Variants in DPP6 observed in about 807,000 individuals in gnomAD.
DPP6 encodes the protein A-type potassium channel modulatory protein DPP6.
Under a neutral mutation model 122.6 loss-of-function variants are expected in DPP6, and 69 were observed. The ratio of observed to expected loss-of-function variants is 0.56; its 90% CI spans 0.46 to 0.69. The LOEUF is 0.69. Ranked by LOEUF, DPP6 falls within the 30% of genes least tolerant of loss-of-function variation. The probability of loss-of-function intolerance (pLI) is 0.00; values close to 1 mark genes in which losing one functional copy is unlikely to be tolerated. For missense variants in DPP6, 928 were observed against 1,116.9 expected (o/e 0.83, Z 2.41); for synonymous variants, 418 against 433.1 (o/e 0.97, Z 0.43).
intron 8 of DPP6, among the ~76,000 whole-genome samples, chr7:154,742,343 G>T (rs1288504386): frequency 1.3e-5 from 2 of 152,224 alleles, no homozygotes; most frequent in African/African-American, 4.8e-5. Context: ...CTGCAAGATG[G>T]TATTGAACCA....
chr7:154,108,928 T>TAAGTGTGA (rs1391270089), intron 1 of DPP6, among the ~76,000 whole-genome samples: 2 of 152,372 alleles, frequency 1.3e-5, no homozygotes, highest in East Asian at 3.9e-4. Context: ...ATTCATTTTT[T>TAAGTGTGA]AAGTGTGAAA....
At chr7:154,409,795 C>G (rs1816441685) in intron 1 of DPP6, among the ~76,000 whole-genome samples, 1 of 152,142 alleles carries the variant, frequency 6.6e-6, no homozygotes, top group Non-Finnish European at 1.5e-5. Context: ...GGTTTTGATC[C>G]CTGACCTGTG....
intron 1 of DPP6, among the ~76,000 whole-genome samples, chr7:153,955,325 C>A (rs1802409985): frequency 6.6e-6 from 1 of 152,132 alleles, no homozygotes. Flanking sequence ...ATCATTATCA[C>A]CGTCATCATT....
intron 1 of DPP6, among the ~76,000 whole-genome samples, chr7:154,174,029 G>A (rs1026446790): frequency 3.3e-5 from 5 of 152,154 alleles, no homozygotes; most frequent in African/African-American, 7.2e-5. Context: ...TTTCCCCCAC[G>A]TGCCTCTCTA....
At chr7:154,431,619 C>T (rs1818430434) in intron 1 of DPP6, among the ~76,000 whole-genome samples, 1 of 148,566 alleles carries the variant, frequency 6.7e-6, no homozygotes, top group African/African-American at 2.5e-5. Flanking sequence ...ACCACAACCT[C>T]TACCTCCCAA....
intron 1 of DPP6, among the ~76,000 whole-genome samples, chr7:154,074,994 G>A (rs1267841734): frequency 6.6e-6 from 1 of 150,938 alleles, no homozygotes; most frequent in Non-Finnish European, 1.5e-5. Context: ...GTGGGCTAAG[G>A]ACATGAATAG....
chr7:154,073,094 C>T (rs1203352684), intron 1 of DPP6, among the ~76,000 whole-genome samples: 1 of 152,188 alleles, frequency 6.6e-6, no homozygotes, highest in Non-Finnish European at 1.5e-5. Flanking sequence ...AGTAGCTGCA[C>T]CTCAGCCTCA....
chr7:154,148,644 C>T (rs1350796718), intron 1 of DPP6, among the ~76,000 whole-genome samples: 1 of 152,296 alleles, frequency 6.6e-6, no homozygotes, highest in Non-Finnish European at 1.5e-5. Context: ...AGCCTGCTCA[C>T]TACTAGAAGG....
chr7:154,349,389 T>G (rs1309661940), intron 1 of DPP6, among the ~76,000 whole-genome samples: 2 of 152,192 alleles, frequency 1.3e-5, no homozygotes, highest in Non-Finnish European at 2.9e-5. Flanking sequence ...TCGGCCAGGC[T>G]TGTCTCGAAC....
rs4067517 is a variant in DPP6, at chr7:154,074,595, G to A, written c.243+21532G>A. 2.0e-3 allele frequency among the ~76,000 whole-genome samples: 301 copies of A among 152,258 alleles called. 1 individual carries two copies. Among genetic ancestry groups the A allele is most frequent in the African/African-American group, 6.8e-3 (284 of 41,538 alleles). On this transcript the variant is annotated intron_variant, in intron 1 of 25. Transcript: ENST00000377770. ...TCTTTGCAGCTGTCCATGAAGTAAC[G>A]TTTATAGGTCTCCATTTAATGCTTT... is the stretch of plus-strand genomic sequence containing the variant.
chr7:154,262,270 T>G (rs1160819283), intron 1 of DPP6, among the ~76,000 whole-genome samples: 1 of 152,084 alleles, frequency 6.6e-6, no homozygotes, highest in Non-Finnish European at 1.5e-5. Context: ...AAGAGCTAAT[T>G]GGTTGTGAGG....
chr7:153,818,891 A>G, the DPP6 span, among the ~76,000 whole-genome samples: 2 of 151,820 alleles, frequency 1.3e-5, no homozygotes, highest in Non-Finnish European at 2.9e-5. Context: ...AGCTGGGATT[A>G]CAGGTGCATG....
intron 16 of DPP6, among the ~76,000 whole-genome samples, chr7:154,840,240 G>A (rs1197150301): frequency 3.3e-5 from 5 of 152,160 alleles, no homozygotes; most frequent in South Asian, 2.1e-4. Flanking sequence ...AATGGAAGTC[G>A]CTACCCTCAG....
At chr7:154,561,395 A>T (rs1442260907) in intron 4 of DPP6, among the ~76,000 whole-genome samples, 1 of 152,216 alleles carries the variant, frequency 6.6e-6, no homozygotes, top group Non-Finnish European at 1.5e-5. Flanking sequence ...AAATTATACA[A>T]AGTATGTTCT....
intron 1 of DPP6, among the ~76,000 whole-genome samples, chr7:153,919,079 C>T (rs1800514049): frequency 6.6e-6 from 1 of 152,008 alleles, no homozygotes; most frequent in Non-Finnish European, 1.5e-5. Context: ...ATGCTGTACC[C>T]CATTCAAAAC....
At chr7:154,807,170 G>C in intron 16 of DPP6, 58 bp downstream of exon 16, 2 of 1,590,294 alleles carry the variant, frequency 1.3e-6, no homozygotes, top group Non-Finnish European at 1.7e-6. Context: ...TTGCAGGGAG[G>C]GGGTGGGCAC....
the DPP6 span, among the ~76,000 whole-genome samples, chr7:153,784,127 T>A: frequency 2.0e-5 from 3 of 151,652 alleles, no homozygotes; most frequent in Admixed American, 2.0e-4. Flanking sequence ...TTAAATGGAG[T>A]TTTCCATTTC....
At chr7:154,682,407 G>T (rs1420984590) in intron 7 of DPP6, among the ~76,000 whole-genome samples, 3 of 152,240 alleles carry the variant, frequency 2.0e-5, no homozygotes, top group Non-Finnish European at 4.4e-5. Context: ...GGACACCGAG[G>T]TGATCGTCTC....
chr7:154,424,971 G>T (rs1157163430), intron 1 of DPP6, among the ~76,000 whole-genome samples: 1 of 152,168 alleles, frequency 6.6e-6, no homozygotes, highest in African/African-American at 2.4e-5. Context: ...CATTCTCGTT[G>T]ATTGATTTTT....
Sources: allele counts gnomAD v4.1 joint callset (sites outside exome capture counted in the v4.1 genomes callset), GRCh38; gene constraint gnomAD v4.1.1; transcripts MANE v1.5; gene names NCBI Gene and HGNC (gene_info 2026-07-23, HGNC 2026-07-21).